ADGRL4: variants seen among roughly 807,000 people sequenced by gnomAD.
ADGRL4 encodes the protein adhesion G protein-coupled receptor L4.
A neutral mutation model predicts 74.8 loss-of-function variants in ADGRL4; 90 were observed. The ratio of observed to expected loss-of-function variants is 1.20; its 90% CI spans 1.02 to 1.43. The LOEUF (loss-of-function observed/expected upper bound fraction) is 1.43, where lower values mean the gene tolerates loss of function less well. ADGRL4 is among the 40% of genes most tolerant of loss of function. The pLI is 0.00. For synonymous variants in ADGRL4, 311 were observed against 279.2 expected (o/e 1.11, Z -1.14); for missense variants, 881 against 814.3 (o/e 1.08, Z -1.00).
At chr1:78,991,283 G>A (rs1445874286) in intron 2 of ADGRL4, among the ~76,000 whole-genome samples, 1 of 151,954 alleles carries the variant, frequency 6.6e-6, no homozygotes, top group Admixed American at 6.6e-5. Flanking sequence ...GCATGTGTCT[G>A]GATAATTATT....
chr1:78,954,188 C>G (rs1192526998), intron 2 of ADGRL4, among the ~76,000 whole-genome samples: 1 of 151,654 alleles, frequency 6.6e-6, no homozygotes, highest in Non-Finnish European at 1.5e-5. Flanking sequence ...AATAAATAGT[C>G]TGCACCTAGT....
intron 2 of ADGRL4, among the ~76,000 whole-genome samples, chr1:78,986,188 A>G (rs748270266): frequency 1.3e-4 from 19 of 151,752 alleles, no homozygotes; most frequent in Non-Finnish European, 1.8e-4. Context: ...GTTAAAAACA[A>G]TAATAATAAC....
chr1:78,943,204 G>A (rs1375305950), intron 3 of ADGRL4, among the ~76,000 whole-genome samples: 1 of 152,084 alleles, frequency 6.6e-6, no homozygotes, highest in Non-Finnish European at 1.5e-5. Flanking sequence ...ATCATCGAGT[G>A]CTCCAGGCAG....
intron 2 of ADGRL4, among the ~76,000 whole-genome samples, chr1:78,963,354 C>A (rs1649992006): frequency 6.6e-6 from 1 of 152,144 alleles, no homozygotes; most frequent in Admixed American, 6.5e-5. Flanking sequence ...TCTTTGATAC[C>A]TGTCTGCTTT....
chr1:79,006,691 C>G lies in ADGRL4; in HGVS notation c.-37G>C, dbSNP rs1489933087. The stretch of plus-strand genomic sequence containing the variant: ...GCAGTGGTGGCGGTGGCGGAGAGCG[C>G]GGCGGAGTGAGTGCGGCTGTGGACC... On this transcript the variant is annotated 5_prime_UTR_variant, in exon 1 of 15. Coordinates refer to ENST00000370742, the MANE Select transcript of ADGRL4 (RefSeq NM_022159.4). 4.1e-6 allele frequency: 6 copies of G among 1,463,032 alleles called. No homozygotes were observed. Among genetic ancestry groups the G allele is most frequent in the East Asian group, 2.8e-5 (1 of 35,456 alleles). The allele number at this position is 1,463,032 out of a possible 1,614,324, so 90.6% of individuals were successfully genotyped here. A position where few individuals can be genotyped will look rare whatever the true frequency, so the allele number is the denominator to read the frequency against.
intron 4 of ADGRL4, 110 bp from the exon 5 acceptor site, chr1:78,938,389 A>G: frequency 1.3e-6 from 1 of 750,076 alleles, no homozygotes; most frequent in Non-Finnish European, 2.0e-6. Flanking sequence ...CTTGGTCTAC[A>G]CATAAATAAT....
intron 2 of ADGRL4, among the ~76,000 whole-genome samples, chr1:78,994,718 A>G (rs1270471539): frequency 6.6e-6 from 1 of 152,224 alleles, no homozygotes; most frequent in Non-Finnish European, 1.5e-5. Context: ...GGTCTTGGAC[A>G]GTAACCAGGT....
chr1:78,924,143 C>T (rs1649061771), intron 8 of ADGRL4, among the ~76,000 whole-genome samples: 1 of 151,956 alleles, frequency 6.6e-6, no homozygotes, highest in Non-Finnish European at 1.5e-5. Flanking sequence ...TTGCATTCAA[C>T]TTCTCCAGGT....
chr1:78,972,884 T>G (rs1650199191), intron 2 of ADGRL4, among the ~76,000 whole-genome samples: 1 of 152,120 alleles, frequency 6.6e-6, no homozygotes, highest in Non-Finnish European at 1.5e-5. Flanking sequence ...ACCAAAAGTG[T>G]GGGAAGTTTG....
chr1:78,948,325 G>C (rs915734874), intron 2 of ADGRL4, among the ~76,000 whole-genome samples: 1 of 152,130 alleles, frequency 6.6e-6, no homozygotes, highest in Non-Finnish European at 1.5e-5. Flanking sequence ...GGTGGGTAAT[G>C]TAACAGTTTG....
At position 78,937,873 on chromosome 1, in the gene ADGRL4, CT is replaced by C. The variant is rs761338705; in HGVS notation, c.693del (p.Ala232LeufsTer3). 8 of 1,613,984 alleles carry C rather than the reference CT, an allele frequency of 5.0e-6. No individual in the cohort carries two copies. The highest frequency in any genetic ancestry group is 6.8e-6 in the Non-Finnish European group (8 of 1,179,930). ...HLTKLMHTVE[Q>X]ATLRISQSFQ... ...AAGCTCTGGGATATCCTTAAAGTAG[CT>C]TGTTCAACAGTGTGCATGAGTTTTG... On this transcript the variant is annotated frameshift_variant, in exon 6 of 15. Coordinates refer to ENST00000370742, the MANE Select transcript of ADGRL4 (RefSeq NM_022159.4). LOFTEE classifies it high-confidence loss of function.
At chr1:78,894,469 T>C (rs1399658726) in intron 12 of ADGRL4, among the ~76,000 whole-genome samples, 1 of 151,828 alleles carries the variant, frequency 6.6e-6, no homozygotes, top group Non-Finnish European at 1.5e-5. Context: ...ATATTTAAAT[T>C]GATTTAGGTG....
At chr1:78,926,778 C>A (rs1649123017) in intron 8 of ADGRL4, 108 bp downstream of exon 8, 3 of 779,020 alleles carry the variant, frequency 3.9e-6, no homozygotes, top group Non-Finnish European at 6.0e-6. Flanking sequence ...AATTTCAAAT[C>A]TGTATTTTTA....
intron 6 of ADGRL4, among the ~76,000 whole-genome samples, chr1:78,936,737 G>A (rs772294675): frequency 2.0e-5 from 3 of 152,156 alleles, no homozygotes; most frequent in Admixed American, 6.5e-5. Context: ...TTACAGAATA[G>A]TGTCTACAAC....
chr1:78,930,294 CT>C (rs1487231215), intron 7 of ADGRL4, among the ~76,000 whole-genome samples: 1 of 149,320 alleles, frequency 6.7e-6, no homozygotes. Context: ...TTCCTATTTT[CT>C]CAAGGTAATA....
chr1:78,957,741 A>G (rs920673352), intron 2 of ADGRL4, among the ~76,000 whole-genome samples: 1 of 152,194 alleles, frequency 6.6e-6, no homozygotes, highest in African/African-American at 2.4e-5. Context: ...TTATCCAGAA[A>G]TCTGGCTAAG....
intron 2 of ADGRL4, among the ~76,000 whole-genome samples, chr1:78,990,177 T>C (rs775374551): frequency 1.3e-5 from 2 of 151,968 alleles, no homozygotes; most frequent in Non-Finnish European, 2.9e-5. Context: ...TTTTCCCTTC[T>C]ATGTTTATTA....
chr1:78,949,621 G>A (rs1649681387), intron 2 of ADGRL4, among the ~76,000 whole-genome samples: 1 of 152,088 alleles, frequency 6.6e-6, no homozygotes, highest in Non-Finnish European at 1.5e-5. Flanking sequence ...AAACTTTCCA[G>A]TGTCCAACTT....
intron 7 of ADGRL4, among the ~76,000 whole-genome samples, chr1:78,929,062 T>C (rs1048782753): frequency 5.3e-5 from 8 of 151,596 alleles, no homozygotes; most frequent in Admixed American, 5.2e-4. Flanking sequence ...TAAATGTTGA[T>C]TTCATAAGTA....
Sources: gnomAD v4.1 joint callset for allele counts (sites outside exome capture counted in the v4.1 genomes callset) on GRCh38, gnomAD v4.1.1 for gene constraint, MANE v1.5 for transcripts, NCBI Gene and HGNC (gene_info 2026-07-23, HGNC 2026-07-21) for gene names.